ANO4: variants seen among roughly 807,000 people sequenced by gnomAD.
The protein encoded by ANO4 is anoctamin-4.
In ANO4, 69 loss-of-function variants were observed where a neutral mutation model predicts 141.9. The observed-to-expected ratio is 0.49, with a 90% CI of 0.40 to 0.59. ANO4 has a LOEUF of 0.59. Ranked by LOEUF, ANO4 falls within the 20% of genes least tolerant of loss-of-function variation. The probability of loss-of-function intolerance (pLI) is 0.00; values close to 1 mark genes in which losing one functional copy is unlikely to be tolerated. For synonymous variants in ANO4, 350 were observed against 394.3 expected (o/e 0.89, Z 1.33); for missense variants, 894 against 1,162.2 (o/e 0.77, Z 3.36).
At chr12:100,770,007 T>G (rs2033228194) in intron 3 of ANO4, among the ~76,000 whole-genome samples, 1 of 152,200 alleles carries the variant, frequency 6.6e-6, no homozygotes, top group Non-Finnish European at 1.5e-5. Flanking sequence ...AGCATAGAGA[T>G]TGTTCATTAT....
chr12:101,067,369 G>T (rs769048788), intron 14 of ANO4, among the ~76,000 whole-genome samples: 2 of 152,206 alleles, frequency 1.3e-5, no homozygotes, highest in Non-Finnish European at 2.9e-5. Context: ...GGAAACATTA[G>T]TATTGGTAAT....
Position 100,966,920 on chromosome 12 carries a change from C to T in ANO4, c.457-4386C>T, listed in dbSNP as rs1285453982. Reference sequence around the variant, plus strand: ...ACACACACACATACATATATATATGCATACACACTCCTTTGAGAGATGGAC... The same window carrying T: ...ACACACACACATACATATATATATGTATACACACTCCTTTGAGAGATGGAC... On this transcript the variant is annotated intron_variant, in intron 5 of 27. Coordinates refer to ENST00000392977, the MANE Select transcript of ANO4 (RefSeq NM_001286615.2). 8.0e-5 allele frequency among the ~76,000 whole-genome samples: 12 copies of T among 150,714 alleles called. 1 individual carries two copies. Among genetic ancestry groups the T allele is most frequent in the Admixed American group, 7.9e-4 (12 of 15,130 alleles).
chr12:101,070,098 A>G (rs1374003781), intron 14 of ANO4, among the ~76,000 whole-genome samples: 4 of 152,222 alleles, frequency 2.6e-5, no homozygotes, highest in African/African-American at 9.6e-5. Flanking sequence ...TACCCAAAGC[A>G]ATCTACAGAT....
In ANO4 at chr12:101,127,114, G is replaced by T. The variant is rs1444151541; in HGVS notation, c.*4+40G>T. ...TGCTCAGCGTCTGAGGCCATTCCGA[G>T]GTTGAATGGGTGCTTTAAACTCCCT... is the stretch of plus-strand genomic sequence containing the variant. On this transcript the variant is annotated intron_variant, in intron 27 of 27. Transcript: ENST00000392977. 1.9e-6 allele frequency: 3 copies of T among 1,559,570 alleles called. No homozygotes were observed. In the African/African-American group the frequency reaches 4.1e-5, roughly 21 times the overall value.
chr12:101,118,353 T>TTATTAATGTGAATGGAGG (rs1421127016), intron 25 of ANO4, among the ~76,000 whole-genome samples: 1 of 152,182 alleles, frequency 6.6e-6, no homozygotes, highest in Non-Finnish European at 1.5e-5. Flanking sequence ...ATTCCAGAAA[T>TTATTAATGTGAATGGAGG]TATTAATGTG....
intron 14 of ANO4, among the ~76,000 whole-genome samples, chr12:101,052,899 G>T (rs147803332): frequency 6.6e-6 from 1 of 152,326 alleles, no homozygotes; most frequent in African/African-American, 2.4e-5. Flanking sequence ...GCTCAGAGAG[G>T]TTATGCAACT....
intron 1 of ANO4, among the ~76,000 whole-genome samples, chr12:100,874,005 T>C (rs1163089929): frequency 6.6e-6 from 1 of 152,310 alleles, no homozygotes; most frequent in African/African-American, 2.4e-5. Flanking sequence ...TAGATACATC[T>C]TAGGCCACTG....
intron 9 of ANO4, among the ~76,000 whole-genome samples, chr12:101,025,417 C>G (rs73156624): frequency 0.085 from 12,972 of 152,154 alleles, 669 homozygotes; most frequent in South Asian, 0.15. Flanking sequence ...CGAGAGTTCA[C>G]AGAAAGAAGT....
intron 13 of ANO4, among the ~76,000 whole-genome samples, chr12:101,046,805 G>A (rs2047650478): frequency 6.6e-6 from 1 of 152,164 alleles, no homozygotes; most frequent in South Asian, 2.1e-4. Context: ...GTTCTATTTT[G>A]AGCCATGTGT....
At chr12:101,094,891 G>A (rs547729965) in intron 18 of ANO4, among the ~76,000 whole-genome samples, 1 of 152,290 alleles carries the variant, frequency 6.6e-6, no homozygotes, top group South Asian at 2.1e-4. Flanking sequence ...AGAGGCTGAG[G>A]CAGGAGGATT....
At chr12:100,867,850 C>A (rs1235329249) in intron 1 of ANO4, among the ~76,000 whole-genome samples, 1 of 152,152 alleles carries the variant, frequency 6.6e-6, no homozygotes, top group Non-Finnish European at 1.5e-5. Context: ...CAGGGAGGGG[C>A]AGTTTTAGGA....
At chr12:100,907,030 T>C (rs1399961635) in intron 2 of ANO4, among the ~76,000 whole-genome samples, 1 of 152,192 alleles carries the variant, frequency 6.6e-6, no homozygotes, top group African/African-American at 2.4e-5. Context: ...GTTGGACAAT[T>C]GTCTTCAGTG....
intron 7 of ANO4, among the ~76,000 whole-genome samples, chr12:100,982,839 T>C (rs1361698328): frequency 1.3e-5 from 2 of 152,248 alleles, no homozygotes; most frequent in Non-Finnish European, 2.9e-5. Context: ...ATTAATCACA[T>C]AAGTGACATA....
intron 1 of ANO4, among the ~76,000 whole-genome samples, chr12:100,886,328 G>C (rs1377391017): frequency 6.6e-6 from 1 of 150,980 alleles, no homozygotes; most frequent in Non-Finnish European, 1.5e-5. Context: ...GTTTTCTTCA[G>C]GAATTCCCTA....
At chr12:100,828,491 A>C (rs1481347636) in intron 1 of ANO4, among the ~76,000 whole-genome samples, 1 of 152,078 alleles carries the variant, frequency 6.6e-6, no homozygotes, top group Admixed American at 6.6e-5. Context: ...GATTTTAAGA[A>C]AAATGATTTT....
chr12:100,939,043 C>T (rs746725070), intron 3 of ANO4, among the ~76,000 whole-genome samples: 7 of 152,180 alleles, frequency 4.6e-5, no homozygotes, highest in Non-Finnish European at 1.0e-4. Flanking sequence ...ACAAATATAA[C>T]ACCTCCTGCT....
intron 11 of ANO4, among the ~76,000 whole-genome samples, chr12:101,040,985 A>C (rs1254076217): frequency 6.6e-6 from 1 of 151,950 alleles, no homozygotes; most frequent in Non-Finnish European, 1.5e-5. Context: ...GTGTAAATAT[A>C]TGTGTGTGTT....
chr12:101,112,463 G>C (rs1217962860), intron 24 of ANO4, among the ~76,000 whole-genome samples: 1 of 152,186 alleles, frequency 6.6e-6, no homozygotes, highest in African/African-American at 2.4e-5. Flanking sequence ...TCCCTGTTTG[G>C]TTAAAGCCAA....
Position 101,089,583 on chromosome 12 carries a change from A to G in ANO4, c.1701+2759A>G, listed in dbSNP as rs556909858. 2.7e-4 allele frequency among the ~76,000 whole-genome samples: 41 copies of G among 152,314 alleles called. 1 individual carries two copies. The highest frequency in any genetic ancestry group is 4.9e-4 in the Non-Finnish European group (33 of 68,032). ...GTGAAATGTTTTGCATCCCATTAGG[A>G]TGCAATGAATTAATGCCTACTATAT... On this transcript the variant is annotated intron_variant, in intron 17 of 27. Coordinates refer to ENST00000392977, the MANE Select transcript of ANO4 (RefSeq NM_001286615.2).
Sources: allele counts gnomAD v4.1 joint callset (sites outside exome capture counted in the v4.1 genomes callset), GRCh38; gene constraint gnomAD v4.1.1; transcripts MANE v1.5; gene names NCBI Gene and HGNC (gene_info 2026-07-23, HGNC 2026-07-21).